The following KLHDC1 variants were observed in gnomAD, a reference collection of about 807,000 sequenced individuals.
The protein encoded by KLHDC1 is kelch domain containing 1.
KLHDC1 carries 53 observed loss-of-function variants against 68.3 expected under a neutral mutation model. That is an observed-to-expected ratio of 0.78 (90% confidence interval 0.62 to 0.98). The LOEUF (loss-of-function observed/expected upper bound fraction) is 0.98, where lower values mean the gene tolerates loss of function less well. Among genes scored for constraint, KLHDC1 ranks in the 50% least tolerant of loss-of-function variants. The pLI is 0.00. For synonymous variants in KLHDC1, 148 were observed against 159.0 expected (o/e 0.93, Z 0.52); for missense variants, 470 against 492.3 (o/e 0.95, Z 0.43).
At chr14:49,700,155 T>C in intron 1 of KLHDC1, 1 of 227,576 alleles carries the variant, frequency 4.4e-6, no homozygotes, top group Non-Finnish European at 8.8e-6. Flanking sequence ...GCCTCCCGAG[T>C]AGCTGGGACT....
chr14:49,734,623 T>C lies in KLHDC1; in HGVS notation c.858T>C (p.Cys286=), dbSNP rs534687807. ...DGWIHNVTTN[C]WKQLTHLPKT... is the part of the protein sequence containing the mutation. The stretch of plus-strand genomic sequence containing the variant: ...GGATTCATAATGTCACAACAAATTG[T>C]TGGAAACAACTTACACATTTACCTA... The change falls in exon 10 of 13, where the codon TGT becomes TGC. Residue 286 remains cysteine (C), a synonymous_variant. Transcript: ENST00000359332. 1.3e-6 allele frequency: 2 copies of C among 1,598,718 alleles called. No homozygotes were observed. The highest frequency in any genetic ancestry group is 8.5e-7 in the Non-Finnish European group (1 of 1,170,566).
intron 12 of KLHDC1, among the ~76,000 whole-genome samples, chr14:49,748,000 G>A (rs1040953469): frequency 1.2e-4 from 19 of 152,174 alleles, no homozygotes; most frequent in African/African-American, 4.6e-4. Flanking sequence ...GTTAAAACTG[G>A]AAGGGTCTTA....
At position 49,705,805 on chromosome 14, in the gene KLHDC1, C is replaced by T. The variant is rs191721418; in HGVS notation, c.97-3354C>T. Among the ~76,000 whole-genome samples, 40 of 152,218 alleles carry T rather than the reference C, an allele frequency of 2.6e-4. No individual in the cohort carries two copies. In the East Asian group the frequency reaches 6.2e-3, roughly 24 times the overall value. On this transcript the variant is annotated intron_variant, in intron 1 of 12. Transcript: ENST00000359332. The stretch of plus-strand genomic sequence containing the variant: ...ATTTAATATGGATTCCTCAGTCAGA[C>T]ATGAGTGTAAGTTTATGTTTTTTCA...
chr14:49,727,140 C>T (rs562663371), intron 6 of KLHDC1, among the ~76,000 whole-genome samples: 11 of 152,044 alleles, frequency 7.2e-5, no homozygotes, highest in Admixed American at 2.0e-4. Flanking sequence ...CCCAGCTACT[C>T]GGGAGGCTGA....
In KLHDC1 at chr14:49,728,969, T is replaced by C. The variant is rs931876548; in HGVS notation, c.611T>C (p.Val204Ala). Residue 204 changes from valine (V) to alanine (A), a missense_variant, in exon 7 of 13, where the codon GTT (valine) becomes GCT (alanine). Transcript: ENST00000359332. ...CCACGAGCCGCGCATACATGTGCAG[T>C]TCTTGGAAATAAGGGTTATATCTTT... ...PQPRAAHTCA[V>A]LGNKGYIFGG... The C allele has an allele frequency of 6.2e-7, 1 of 1,613,870 alleles. No individual in the cohort carries two copies. The highest frequency in any genetic ancestry group is 8.5e-7 in the Non-Finnish European group (1 of 1,179,774).
chr14:49,697,837 G>T (rs544311170), intron 1 of KLHDC1, among the ~76,000 whole-genome samples: 1 of 152,190 alleles, frequency 6.6e-6, no homozygotes, highest in Admixed American at 6.6e-5. Context: ...TGTAAAGTAC[G>T]TAATATCCCT....
At position 49,734,584 on chromosome 14, in the gene KLHDC1, T is replaced by C; in HGVS notation, c.824-5T>C. On this transcript the variant is annotated splice_region_variant and splice_polypyrimidine_tract_variant and intron_variant, in intron 9 of 12. Transcript: ENST00000359332. ...CTTAATTTCTGAACTGTCATGATATTGCAGGTGATGGTTGGATTCATAATG... is the reference window on the plus strand; with the variant it reads ...CTTAATTTCTGAACTGTCATGATATCGCAGGTGATGGTTGGATTCATAATG... 1 of 1,561,546 alleles carries C rather than the reference T, an allele frequency of 6.4e-7. No homozygotes were observed.
At chr14:49,701,356 G>C (rs1243556143) in intron 1 of KLHDC1, among the ~76,000 whole-genome samples, 1 of 151,956 alleles carries the variant, frequency 6.6e-6, no homozygotes, top group East Asian at 1.9e-4. Context: ...TGGCAGATCA[G>C]ACTTCTAAAA....
chr14:49,715,128 A>T (rs1490669428), intron 4 of KLHDC1, among the ~76,000 whole-genome samples: 1 of 144,210 alleles, frequency 6.9e-6, no homozygotes. Context: ...TTACTTTATT[A>T]TTTTTTTTTT....
chr14:49,722,130 T>C lies in KLHDC1; in HGVS notation c.405-1744T>C, dbSNP rs145623681. On this transcript the variant is annotated intron_variant, in intron 4 of 12. Transcript: ENST00000359332. Reference sequence around the variant, plus strand: ...CGTCTATGGCTGGGTTTCCTTTTTTTTGTTGTTATTATTATACTTTAAGTT... The same window carrying C: ...CGTCTATGGCTGGGTTTCCTTTTTTCTGTTGTTATTATTATACTTTAAGTT... Among the ~76,000 whole-genome samples the C allele has an allele frequency of 5.3e-3, 805 of 152,286 alleles. 7 individuals are homozygous for C. Among genetic ancestry groups the C allele is most frequent in the African/African-American group, 0.019 (772 of 41,560 alleles).
chr14:49,722,106 G>T (rs981225742), intron 4 of KLHDC1, among the ~76,000 whole-genome samples: 5 of 152,108 alleles, frequency 3.3e-5, no homozygotes, highest in African/African-American at 1.2e-4. Flanking sequence ...GTTAAATTCC[G>T]TCTATGGCTG....
chr14:49,694,845 C>T (rs1887687283), intron 1 of KLHDC1, among the ~76,000 whole-genome samples: 1 of 152,196 alleles, frequency 6.6e-6, no homozygotes, highest in Non-Finnish European at 1.5e-5. Context: ...CAGAGCGAGA[C>T]TCCGTCTCAA....
intron 1 of KLHDC1, 133 bp from the exon 2 acceptor site, chr14:49,709,026 A>G (rs933106121): frequency 5.9e-6 from 3 of 505,520 alleles, no homozygotes; most frequent in Admixed American, 4.2e-5. Context: ...ATTTTATTTT[A>G]TATTGAAAAA....
chr14:49,720,682 G>C (rs1172229468), intron 4 of KLHDC1, among the ~76,000 whole-genome samples: 1 of 151,818 alleles, frequency 6.6e-6, no homozygotes, highest in Non-Finnish European at 1.5e-5. Context: ...CCCCTTCTGT[G>C]ACTCCCATTA....
intron 1 of KLHDC1, among the ~76,000 whole-genome samples, chr14:49,696,049 G>C (rs952817866): frequency 2.0e-5 from 3 of 148,270 alleles, no homozygotes; most frequent in Non-Finnish European, 3.0e-5. Flanking sequence ...CTGGGCGACA[G>C]AGTGAGACTC....
intron 4 of KLHDC1, among the ~76,000 whole-genome samples, chr14:49,723,409 G>A (rs1335471824): frequency 6.6e-6 from 1 of 152,086 alleles, no homozygotes; most frequent in Non-Finnish European, 1.5e-5. Flanking sequence ...GCACGCACCT[G>A]TAGTCACAGC....
At position 49,752,794 on chromosome 14, in the gene KLHDC1, AT is replaced by A. The variant is rs1176735555; in HGVS notation, c.*1024del. 6.6e-6 allele frequency: 1 copy of A among 152,154 alleles called. No homozygotes were observed. 9.4% of individuals were successfully genotyped at this position (152,154 alleles called of 1,614,324 possible). A position where few individuals can be genotyped will look rare whatever the true frequency, so the allele number is the denominator to read the frequency against. On this transcript the variant is annotated 3_prime_UTR_variant, in exon 13 of 13. Transcript: ENST00000359332. ...GCATAATTAAGAAATTTTTCTTCAT[AT>A]TATCACAATCATGCCCTTCCATTGA...
intron 12 of KLHDC1, among the ~76,000 whole-genome samples, chr14:49,746,950 CTTT>C (rs527399327): frequency 5.0e-5 from 7 of 139,094 alleles, no homozygotes; most frequent in Admixed American, 2.2e-4. Flanking sequence ...AGCTTTCTCT[CTTT>C]TTTTTTTTTT....
Position 49,728,991 on chromosome 14 carries a change from C to T in KLHDC1, c.633C>T (p.Ile211=). The stretch of plus-strand genomic sequence containing the variant: ...CAGTTCTTGGAAATAAGGGTTATAT[C>T]TTTGGCGGACGTGTTCTGGTTAGTG... ...TCAVLGNKGY[I]FGGRVLQTRM... is the part of the protein sequence containing the mutation. The change falls in exon 7 of 13, where the codon ATC becomes ATT. Residue 211 remains isoleucine, a synonymous_variant. Coordinates refer to ENST00000359332, the MANE Select transcript of KLHDC1 (RefSeq NM_172193.3). 6.2e-7 allele frequency: 1 copy of T among 1,612,622 alleles called. No homozygotes were observed.
Sources: gnomAD v4.1 joint callset for allele counts (sites outside exome capture counted in the v4.1 genomes callset) on GRCh38, gnomAD v4.1.1 for gene constraint, MANE v1.5 for transcripts, NCBI Gene and HGNC (gene_info 2026-07-23, HGNC 2026-07-21) for gene names.